The following PCDH15 variants were observed in gnomAD, a reference collection of about 807,000 sequenced individuals.
PCDH15 encodes protocadherin-15.
Under a neutral mutation model 178.5 loss-of-function variants are expected in PCDH15, and 129 were observed. The observed-to-expected ratio is 0.72, with a 90% CI of 0.63 to 0.84. The LOEUF is 0.84. Ranked by LOEUF, PCDH15 falls within the 40% of genes least tolerant of loss-of-function variation. The pLI is 0.00. For missense variants in PCDH15, 2,230 were observed against 2,099.9 expected (o/e 1.06, Z -1.21); for synonymous variants, 800 against 732.0 (o/e 1.09, Z -1.50).
At chr10:54,740,282 A>C (rs1420813068) in intron 1 of PCDH15, among the ~76,000 whole-genome samples, 1 of 152,020 alleles carries the variant, frequency 6.6e-6, no homozygotes, top group Non-Finnish European at 1.5e-5. Flanking sequence ...AATAATGTTC[A>C]AAATCACTAG....
chr10:54,176,079 T>C (rs757137254), intron 13 of PCDH15, among the ~76,000 whole-genome samples: 4 of 152,186 alleles, frequency 2.6e-5, no homozygotes, highest in African/African-American at 4.8e-5. Flanking sequence ...TAGTGTGTGA[T>C]AGAATTCTTA....
In PCDH15 at chr10:54,815,423, G is replaced by T. The variant is rs536615948; in HGVS notation, c.-29+82027C>A. 2.6e-5 allele frequency among the ~76,000 whole-genome samples: 4 copies of T among 152,142 alleles called. No homozygotes were observed. In the East Asian group the frequency reaches 7.7e-4, roughly 29 times the overall value. The stretch of plus-strand genomic sequence containing the variant: ...GTATTGTAACTGCATAACATTTACT[G>T]CATTATATACTGTTCTACAGTCATA... On this transcript the variant is annotated intron_variant, in intron 3 of 5. Transcript: ENST00000458638.
chr10:54,571,304 G>C (rs2089798950), intron 2 of PCDH15, among the ~76,000 whole-genome samples: 1 of 141,860 alleles, frequency 7.0e-6, no homozygotes, highest in East Asian at 2.1e-4. Context: ...GCTCTGAGGT[G>C]CTGAAGTACG....
intron 15 of PCDH15, among the ~76,000 whole-genome samples, chr10:54,118,781 T>TA (rs1554798120): frequency 1.3e-5 from 2 of 151,752 alleles, no homozygotes; most frequent in Admixed American, 1.3e-4. Flanking sequence ...TATTTTTATT[T>TA]TTTTTTGTCA....
At chr10:54,248,302 G>A (rs7896210) in intron 8 of PCDH15, among the ~76,000 whole-genome samples, 6,705 of 151,850 alleles carry the variant, frequency 0.044, 375 homozygotes, top group African/African-American at 0.13. Context: ...TTTAAAAATC[G>A]TACTTAAAAA....
At chr10:55,499,668 A>G (rs1296930408) in intron 2 of PCDH15, among the ~76,000 whole-genome samples, 3 of 151,940 alleles carry the variant, frequency 2.0e-5, no homozygotes, top group African/African-American at 7.2e-5. Context: ...GTAGGAAAGT[A>G]GCCTAAAAAA....
At chr10:55,528,002 C>T (rs2132059682) in intron 2 of PCDH15, among the ~76,000 whole-genome samples, 1 of 152,004 alleles carries the variant, frequency 6.6e-6, no homozygotes, top group African/African-American at 2.4e-5. Context: ...TTGGTCTCAA[C>T]TAGCTGCTAC....
chr10:55,058,287 T>C (rs1221640374), intron 2 of PCDH15, among the ~76,000 whole-genome samples: 3 of 152,146 alleles, frequency 2.0e-5, no homozygotes, highest in African/African-American at 7.2e-5. Context: ...CACAACATGC[T>C]CTAACCTCCA....
chr10:54,113,970 A>C (rs2132743141), intron 15 of PCDH15, among the ~76,000 whole-genome samples: 1 of 152,090 alleles, frequency 6.6e-6, no homozygotes, highest in Middle Eastern at 3.4e-3. Context: ...CCCTTTATAA[A>C]ACCATCAGAT....
intron 3 of PCDH15, among the ~76,000 whole-genome samples, chr10:54,412,791 G>C (rs184574315): frequency 6.6e-6 from 1 of 152,022 alleles, no homozygotes; most frequent in Non-Finnish European, 1.5e-5. Flanking sequence ...GCGTGACCCC[G>C]GCTCACTGCA....
At chr10:54,806,762 G>C (rs1256037241) in intron 3 of PCDH15, among the ~76,000 whole-genome samples, 1 of 152,138 alleles carries the variant, frequency 6.6e-6, no homozygotes, top group Non-Finnish European at 1.5e-5. Flanking sequence ...GGGATTACAG[G>C]TCTGAGCCGC....
At chr10:54,351,554 A>T (rs1588976843) in intron 5 of PCDH15, among the ~76,000 whole-genome samples, 1 of 152,178 alleles carries the variant, frequency 6.6e-6, no homozygotes, top group South Asian at 2.1e-4. Flanking sequence ...AACTTTTCAC[A>T]ATTTCTTCAT....
chr10:54,461,243 A>G (rs2077146536), intron 3 of PCDH15, among the ~76,000 whole-genome samples: 1 of 152,144 alleles, frequency 6.6e-6, no homozygotes, highest in South Asian at 2.1e-4. Context: ...ATGAATACAT[A>G]TTTGTGCTAT....
At chr10:54,229,012 T>C (rs1168153090) in intron 9 of PCDH15, among the ~76,000 whole-genome samples, 1 of 151,844 alleles carries the variant, frequency 6.6e-6, no homozygotes, top group Admixed American at 6.5e-5. Context: ...TATTTTATAA[T>C]ATTAATTTTA....
At chr10:54,297,741 G>A (rs1370112182) in intron 8 of PCDH15, among the ~76,000 whole-genome samples, 1 of 152,174 alleles carries the variant, frequency 6.6e-6, no homozygotes, top group Non-Finnish European at 1.5e-5. Context: ...CCGATTTAAA[G>A]CAGATCAAGG....
At chr10:54,936,463 C>G (rs1837910235) in intron 2 of PCDH15, among the ~76,000 whole-genome samples, 1 of 151,856 alleles carries the variant, frequency 6.6e-6, no homozygotes. Context: ...AAACAGTTTT[C>G]TAAGATTTTT....
intron 3 of PCDH15, among the ~76,000 whole-genome samples, chr10:54,419,183 C>T (rs1758818): frequency 0.21 from 31,136 of 151,594 alleles, 3,980 homozygotes; most frequent in African/African-American, 0.36. Flanking sequence ...TCTATATCCT[C>T]TGTCAAAACA....
intron 25 of PCDH15, among the ~76,000 whole-genome samples, chr10:53,922,499 T>C (rs1380896278): frequency 1.3e-5 from 2 of 152,178 alleles, no homozygotes; most frequent in Non-Finnish European, 2.9e-5. Flanking sequence ...GCCTGTCTGA[T>C]ACCAAAATCA....
intron 2 of PCDH15, among the ~76,000 whole-genome samples, chr10:55,479,070 GA>G (rs1270265071): frequency 6.6e-6 from 1 of 150,994 alleles, no homozygotes; most frequent in Non-Finnish European, 1.5e-5. Flanking sequence ...ATTCAAGGAA[GA>G]AAAAATACCA....
Sources: gnomAD v4.1 joint callset for allele counts (sites outside exome capture counted in the v4.1 genomes callset) on GRCh38, gnomAD v4.1.1 for gene constraint, MANE v1.5 for transcripts, NCBI Gene and HGNC (gene_info 2026-07-23, HGNC 2026-07-21) for gene names.